Variants in PRKCH observed in about 807,000 individuals in gnomAD.
PRKCH encodes the protein protein kinase C eta type.
PRKCH carries 28 observed loss-of-function variants against 82.5 expected under a neutral mutation model. The ratio of observed to expected loss-of-function variants is 0.34; its 90% CI spans 0.25 to 0.47. The LOEUF is 0.47. PRKCH is among the 20% of genes least tolerant of loss of function. The probability of loss-of-function intolerance (pLI) is 1.00; values close to 1 mark genes in which losing one functional copy is unlikely to be tolerated. For synonymous variants in PRKCH, 322 were observed against 327.4 expected (o/e 0.98, Z 0.18); for missense variants, 705 against 881.8 (o/e 0.80, Z 2.54).
intron 9 of PRKCH, among the ~76,000 whole-genome samples, chr14:61,471,437 C>T (rs4899049): frequency 0.06 from 9,165 of 152,190 alleles, 313 homozygotes; most frequent in Middle Eastern, 0.088. Context: ...CTTCAGGACA[C>T]ATCTCTGGCC....
At chr14:61,349,908 C>G (rs2046048658) in intron 1 of PRKCH, among the ~76,000 whole-genome samples, 1 of 152,034 alleles carries the variant, frequency 6.6e-6, no homozygotes. Flanking sequence ...TCTGTGTTCA[C>G]TCTTATGTTC....
chr14:61,251,447 C>T (rs76726805), intron 1 of PRKCH, among the ~76,000 whole-genome samples: 10,238 of 152,252 alleles, frequency 0.067, 387 homozygotes, highest in Middle Eastern at 0.11. Flanking sequence ...AGTCAGATCA[C>T]GGGAAGTTTG....
chr14:61,255,811 A>G (rs1247012884), intron 1 of PRKCH, among the ~76,000 whole-genome samples: 3 of 152,336 alleles, frequency 2.0e-5, no homozygotes, highest in East Asian at 1.9e-4. Flanking sequence ...AATTTTGGAT[A>G]ACACATTTGG....
In PRKCH at chr14:61,457,622, G is replaced by C; in HGVS notation, c.1221G>C (p.Leu407=). The part of the protein sequence containing the change: ...VECTMTEKRI[L]SLARNHPFLT... ...GCACCATGACCGAGAAAAGGATCCT[G>C]TCTCTGGCCCGCAATCACCCCTTCC... The change falls in exon 9 of 14, where the codon CTG becomes CTC. Residue 407 remains leucine, a synonymous_variant. Coordinates refer to ENST00000332981, the MANE Select transcript of PRKCH (RefSeq NM_006255.5). 4 of 1,614,166 alleles carry C rather than the reference G, an allele frequency of 2.5e-6. No individual in the cohort carries two copies. Among genetic ancestry groups the C allele is most frequent in the Non-Finnish European group, 3.4e-6 (4 of 1,180,030 alleles).
chr14:61,387,062 G>A (rs906500553), intron 1 of PRKCH, among the ~76,000 whole-genome samples: 3 of 152,150 alleles, frequency 2.0e-5, no homozygotes, highest in Non-Finnish European at 2.9e-5. Context: ...CTCAGTGGGG[G>A]GACAACACAG....
intron 11 of PRKCH, among the ~76,000 whole-genome samples, chr14:61,529,930 A>G (rs2140007196): frequency 6.6e-6 from 1 of 150,956 alleles, no homozygotes; most frequent in Non-Finnish European, 1.5e-5. Flanking sequence ...ATATATATGT[A>G]AACTTTGCAG....
intron 2 of PRKCH, among the ~76,000 whole-genome samples, chr14:61,392,369 A>G (rs778519207): frequency 2.0e-5 from 3 of 152,126 alleles, no homozygotes; most frequent in Admixed American, 6.5e-5. Flanking sequence ...TTATACTCCC[A>G]CCAGCAATGC....
At chr14:61,499,734 T>C (rs1175320626) in intron 10 of PRKCH, among the ~76,000 whole-genome samples, 1 of 146,400 alleles carries the variant, frequency 6.8e-6, no homozygotes, top group East Asian at 2.0e-4. Flanking sequence ...GTCATTTTTT[T>C]CCGTACTTAA....
chr14:61,281,075 C>A (rs2045260710), intron 1 of PRKCH: 3 of 1,515,678 alleles, frequency 2.0e-6, no homozygotes, highest in African/African-American at 1.4e-5. Context: ...GGCTGCCAGG[C>A]GGGGAGGCGC....
chr14:61,324,982 C>T (rs1356342321), intron 1 of PRKCH, among the ~76,000 whole-genome samples: 1 of 152,040 alleles, frequency 6.6e-6, no homozygotes, highest in Non-Finnish European at 1.5e-5. Context: ...TTTGCTAGAT[C>T]CAGAGAAGCT....
intron 10 of PRKCH, among the ~76,000 whole-genome samples, chr14:61,521,667 A>G (rs1217909421): frequency 2.0e-5 from 3 of 152,006 alleles, no homozygotes; most frequent in African/African-American, 7.3e-5. Context: ...TCCCAGGCTC[A>G]AGTGATCTTC....
chr14:61,482,118 C>T (rs1215141055), intron 9 of PRKCH, among the ~76,000 whole-genome samples: 4 of 151,740 alleles, frequency 2.6e-5, no homozygotes, highest in Non-Finnish European at 5.9e-5. Context: ...CCTCAGCCTC[C>T]CAAGTAGCTG....
chr14:61,405,149 C>T (rs1206050838), intron 2 of PRKCH, among the ~76,000 whole-genome samples: 1 of 152,118 alleles, frequency 6.6e-6, no homozygotes, highest in African/African-American at 2.4e-5. Context: ...TCTGTGAATT[C>T]CCTCATGGTT....
chr14:61,517,767 T>C (rs2042849051), intron 10 of PRKCH, among the ~76,000 whole-genome samples: 1 of 152,244 alleles, frequency 6.6e-6, no homozygotes, highest in African/African-American at 2.4e-5. Flanking sequence ...GATTAAGATA[T>C]TAATGTTAAA....
chr14:61,283,555 G>A (rs1356699135), intron 1 of PRKCH, among the ~76,000 whole-genome samples: 1 of 152,022 alleles, frequency 6.6e-6, no homozygotes, highest in Admixed American at 6.6e-5. Flanking sequence ...ATTTTTTGGA[G>A]ATGAGGTCTT....
intron 1 of PRKCH, among the ~76,000 whole-genome samples, chr14:61,187,994 T>C (rs1239711968): frequency 2.0e-5 from 3 of 152,186 alleles, no homozygotes; most frequent in Admixed American, 1.3e-4. Flanking sequence ...AGTCAAGATC[T>C]GAGTCTGACT....
chr14:61,399,542 G>T (rs1322967315), intron 2 of PRKCH, among the ~76,000 whole-genome samples: 1 of 152,172 alleles, frequency 6.6e-6, no homozygotes, highest in Non-Finnish European at 1.5e-5. Context: ...GTCAAAAACT[G>T]CAGGTAGGAA....
chr14:61,286,810 G>C (rs2045320101), intron 1 of PRKCH, among the ~76,000 whole-genome samples: 1 of 152,106 alleles, frequency 6.6e-6, no homozygotes. Context: ...AGCACAGTTG[G>C]GTGGGTTGAG....
At chr14:61,441,745 G>A (rs200679539) in intron 2 of PRKCH, among the ~76,000 whole-genome samples, 3 of 65,842 alleles carry the variant, frequency 4.6e-5, no homozygotes, top group Non-Finnish European at 6.3e-5. Flanking sequence ...TTTTTTTTTT[G>A]CCAAATAGAA....
Sources: gnomAD v4.1 joint callset for allele counts (sites outside exome capture counted in the v4.1 genomes callset) on GRCh38, gnomAD v4.1.1 for gene constraint, MANE v1.5 for transcripts, NCBI Gene and HGNC (gene_info 2026-07-23, HGNC 2026-07-21) for gene names.